Variants in BCL2L11 observed in about 807,000 individuals in gnomAD.
BCL2L11 encodes BCL2 like 11, also known as bcl-2-like protein 11.
Under a neutral mutation model 20.6 loss-of-function variants are expected in BCL2L11, and 15 were observed. That is an observed-to-expected ratio of 0.73 (90% CI 0.49 to 1.12). BCL2L11 has a LOEUF of 1.12. Ranked by LOEUF, BCL2L11 falls within the 50% of genes most tolerant of loss-of-function variation. The probability of loss-of-function intolerance (pLI) is 0.00; values close to 1 mark genes in which losing one functional copy is unlikely to be tolerated. For missense variants in BCL2L11, 292 were observed against 260.9 expected (o/e 1.12, Z -0.82); for synonymous variants, 108 against 92.8 (o/e 1.16, Z -0.94).
intron 1 of BCL2L11, chr2:111,122,722 C>A: frequency 3.1e-6 from 3 of 983,138 alleles, no homozygotes; most frequent in South Asian, 4.6e-5. Context: ...CTCGGCTGCC[C>A]GGCGGAGCGC....
intron 3 of BCL2L11, chr2:111,161,403 C>G: frequency 3.9e-6 from 6 of 1,550,354 alleles, no homozygotes; most frequent in Non-Finnish European, 5.2e-6. Context: ...AACTTAAATG[C>G]ACTTTTGATT....
chr2:111,122,626 G>A (rs1363070060), intron 1 of BCL2L11: 4 of 984,306 alleles, frequency 4.1e-6, no homozygotes, highest in South Asian at 4.5e-5. Flanking sequence ...GGCGCAGAGC[G>A]CGAGGGGAGG....
intron 1 of BCL2L11, 75 bp downstream of exon 1, chr2:111,121,263 C>A: frequency 5.1e-6 from 1 of 196,730 alleles, no homozygotes; most frequent in Non-Finnish European, 1.0e-5. Flanking sequence ...ACGGCACCAC[C>A]TACTGCCCGC....
chr2:111,147,346 T>TCTCTCTCTCTCTCACACACACACA (rs760779894), intron 2 of BCL2L11, among the ~76,000 whole-genome samples: 1 of 137,332 alleles, frequency 7.3e-6, no homozygotes, highest in Non-Finnish European at 1.5e-5. Context: ...TCTCTCTCTC[T>TCTCTCTCTCTCTCACACACACACA]CACACACACA....
At chr2:111,131,524 T>C (rs1328307861) in intron 2 of BCL2L11, 1 of 152,206 alleles carries the variant, frequency 6.6e-6, no homozygotes, top group African/African-American at 2.4e-5. Context: ...TTTATCAGTT[T>C]TGATTTTTTT....
chr2:111,145,743 C>G (rs1056848007), intron 2 of BCL2L11, among the ~76,000 whole-genome samples: 18 of 152,122 alleles, frequency 1.2e-4, no homozygotes, highest in African/African-American at 4.3e-4. Flanking sequence ...CTCCACACTC[C>G]TCCAAAAATG....
chr2:111,124,194 A>C, intron 2 of BCL2L11, 55 bp downstream of exon 2: 1 of 1,512,158 alleles, frequency 6.6e-7, no homozygotes, highest in South Asian at 1.3e-5. Context: ...AATCTGCTTG[A>C]AGGCTGTGTG....
rs563245799 is a variant in BCL2L11 at position 111,139,579 on chromosome 2, T to C, written c.395-10465T>C. 7.2e-5 allele frequency among the ~76,000 whole-genome samples: 11 copies of C among 152,202 alleles called. No homozygotes were observed. The South Asian group carries it at 2.3e-3, about 32-fold the overall frequency. On this transcript the variant is annotated intron_variant, in intron 2 of 3. Transcript: ENST00000393256. ...TAGTGAGAAGACAATTTAGACAGACTGTTGGCCATTGATAATCAAAATTTT... is the reference window on the plus strand; with the variant it reads ...TAGTGAGAAGACAATTTAGACAGACCGTTGGCCATTGATAATCAAAATTTT...
chr2:111,126,820 T>C (rs1460833699), intron 2 of BCL2L11, among the ~76,000 whole-genome samples: 1 of 152,188 alleles, frequency 6.6e-6, no homozygotes, highest in Non-Finnish European at 1.5e-5. Context: ...GGAACACAAA[T>C]GTGAGGTTAT....
At chr2:111,148,118 C>G (rs2076801093) in intron 2 of BCL2L11, among the ~76,000 whole-genome samples, 1 of 152,176 alleles carries the variant, frequency 6.6e-6, no homozygotes. Flanking sequence ...TTGGTGTTTT[C>G]TTCACTTCTG....
intron 3 of BCL2L11, among the ~76,000 whole-genome samples, 188 bp from the exon 4 acceptor site, chr2:111,163,945 G>T (rs2078883394): frequency 7.2e-6 from 1 of 138,020 alleles, no homozygotes; most frequent in East Asian, 2.1e-4. Context: ...CTTCCCCTTT[G>T]CAGGGAAATG....
intron 1 of BCL2L11, among the ~76,000 whole-genome samples, chr2:111,122,127 T>C (rs2071152002): frequency 6.6e-6 from 1 of 152,214 alleles, no homozygotes; most frequent in Non-Finnish European, 1.5e-5. Context: ...TTGACTCGTG[T>C]CTGCGGCGCA....
At chr2:111,148,179 A>G (rs1213456225) in intron 2 of BCL2L11, among the ~76,000 whole-genome samples, 2 of 152,216 alleles carry the variant, frequency 1.3e-5, no homozygotes, top group African/African-American at 4.8e-5. Flanking sequence ...AGTGAGAAAC[A>G]GGTGGAGCTT....
intron 2 of BCL2L11, chr2:111,131,264 T>G: frequency 6.6e-6 from 1 of 150,754 alleles, no homozygotes; most frequent in Non-Finnish European, 1.5e-5. Flanking sequence ...GGCATTTAGA[T>G]TATAGATTTT....
chr2:111,151,908 A>G, intron 3 of BCL2L11: 1 of 1,532,772 alleles, frequency 6.5e-7, no homozygotes, highest in Non-Finnish European at 8.8e-7. Flanking sequence ...TTTTTTTGGA[A>G]CTTTGGTTGG....
intron 2 of BCL2L11, among the ~76,000 whole-genome samples, chr2:111,127,632 G>A (rs2072957918): frequency 6.6e-6 from 1 of 152,004 alleles, no homozygotes; most frequent in Non-Finnish European, 1.5e-5. Flanking sequence ...GTTGAAGAAG[G>A]CAGGTAGCAA....
chr2:111,121,188 G>T lies in BCL2L11; in HGVS notation c.-14G>T. ...CTGACTCTCGGACTGAGAAACGCAAGGTAAATACCTCCAAATCCCGGGGCG... is the reference window on the plus strand; with the variant it reads ...CTGACTCTCGGACTGAGAAACGCAATGTAAATACCTCCAAATCCCGGGGCG... On this transcript the variant is annotated splice_region_variant and 5_prime_UTR_variant, in exon 1 of 4. Coordinates refer to ENST00000393256, the MANE Select transcript of BCL2L11 (RefSeq NM_138621.5). The T allele has an allele frequency of 4.3e-6, 1 of 232,578 alleles. No individual in the cohort carries two copies. The highest frequency in any genetic ancestry group is 1.4e-4 in the South Asian group (1 of 7,052). 14.4% of individuals were successfully genotyped at this position (232,578 alleles called of 1,614,324 possible).
intron 2 of BCL2L11, 119 bp downstream of exon 2, chr2:111,124,258 A>G (rs2150149146): frequency 8.7e-7 from 1 of 1,154,290 alleles, no homozygotes; most frequent in Non-Finnish European, 1.2e-6. Context: ...CCATCTTTAG[A>G]TGGGAATGGA....
intron 2 of BCL2L11, among the ~76,000 whole-genome samples, chr2:111,126,578 T>G (rs748771885): frequency 2.2e-4 from 33 of 152,136 alleles, no homozygotes; most frequent in Non-Finnish European, 1.3e-4. Context: ...GTTTCTTAAA[T>G]TGAAGCATAA....
Sources: allele counts gnomAD v4.1 joint callset (sites outside exome capture counted in the v4.1 genomes callset), GRCh38; gene constraint gnomAD v4.1.1; transcripts MANE v1.5; gene names NCBI Gene and HGNC (gene_info 2026-07-23, HGNC 2026-07-21).